The following KIF21A variants were observed in gnomAD, a reference collection of about 807,000 sequenced individuals.
KIF21A encodes kinesin-like protein KIF21A.
In KIF21A, 114 loss-of-function variants were observed where a neutral mutation model predicts 202.9. The observed-to-expected ratio is 0.56, with a 90% CI of 0.48 to 0.66. KIF21A has a LOEUF of 0.66. Ranked by LOEUF, KIF21A falls within the 30% of genes least tolerant of loss-of-function variation. The pLI is 0.00. For missense variants in KIF21A, 1,677 were observed against 1,994.9 expected (o/e 0.84, Z 3.04); for synonymous variants, 667 against 670.8 (o/e 0.99, Z 0.09).
chr12:39,316,009 A>T (rs371587886), intron 29 of KIF21A, 39 bp from the exon 30 acceptor site: 234 of 1,375,086 alleles, frequency 1.7e-4, no homozygotes, highest in Non-Finnish European at 2.4e-4. Flanking sequence ...GAAAGAATAC[A>T]GATGTCAACA....
chr12:39,402,912 G>A (rs1468070076), intron 1 of KIF21A, among the ~76,000 whole-genome samples: 1 of 152,114 alleles, frequency 6.6e-6, no homozygotes, highest in African/African-American at 2.4e-5. Flanking sequence ...ACTAAAAACT[G>A]TAAAATATGT....
At chr12:39,315,147 C>A in intron 31 of KIF21A, 82 bp downstream of exon 31, 1 of 1,294,734 alleles carries the variant, frequency 7.7e-7, no homozygotes, top group Non-Finnish European at 1.1e-6. Flanking sequence ...AAAAAATAAA[C>A]ACTTATTTTT....
intron 1 of KIF21A, among the ~76,000 whole-genome samples, chr12:39,404,987 A>T (rs565347793): frequency 6.6e-5 from 10 of 151,494 alleles, no homozygotes; most frequent in Admixed American, 3.9e-4. Flanking sequence ...TTTTTTTTTC[A>T]AACTAAAAAA....
At chr12:39,359,216 G>T (rs968867710) in intron 7 of KIF21A, among the ~76,000 whole-genome samples, 5 of 151,992 alleles carry the variant, frequency 3.3e-5, no homozygotes, top group African/African-American at 1.2e-4. Flanking sequence ...GGTACCCCTT[G>T]TCCCATTCCA....
chr12:39,335,410 C>CAAAAAA (rs1033088626), intron 17 of KIF21A, among the ~76,000 whole-genome samples: 2 of 61,964 alleles, frequency 3.2e-5, no homozygotes, highest in African/African-American at 1.1e-4. Flanking sequence ...GACTCTGTCT[C>CAAAAAA]AAAAAAAAAA....
At chr12:39,338,790 A>G (rs1253205559) in intron 16 of KIF21A, among the ~76,000 whole-genome samples, 1 of 152,240 alleles carries the variant, frequency 6.6e-6, no homozygotes, top group Non-Finnish European at 1.5e-5. Flanking sequence ...AATAATGTGC[A>G]TGCCTTAATC....
chr12:39,441,060 A>AGAAG (rs1265899461), intron 1 of KIF21A, among the ~76,000 whole-genome samples: 2 of 152,028 alleles, frequency 1.3e-5, no homozygotes, highest in Admixed American at 6.6e-5. Context: ...GAGAAAGGAA[A>AGAAG]GAAGGAAGGA....
chr12:39,313,803 C>T (rs952329896), intron 31 of KIF21A, among the ~76,000 whole-genome samples: 1 of 151,820 alleles, frequency 6.6e-6, no homozygotes, highest in African/African-American at 2.4e-5. Flanking sequence ...TTACTGCATT[C>T]TATGTAGGCC....
chr12:39,332,575 T>C lies in KIF21A; in HGVS notation c.2856+16A>G. 6.2e-7 allele frequency: 1 copy of C among 1,600,380 alleles called. No homozygotes were observed. Among genetic ancestry groups the C allele is most frequent in the East Asian group, 2.3e-5 (1 of 44,086 alleles). ...GTTAGCTAAGGGGGAGCGTATCTAC[T>C]CTCTATTTTCCACACCTTGAGGAGT... is the stretch of plus-strand genomic sequence containing the variant. On this transcript the variant is annotated intron_variant, in intron 20 of 37. Transcript: ENST00000361418.
intron 1 of KIF21A, among the ~76,000 whole-genome samples, chr12:39,390,995 C>A (rs929395044): frequency 6.6e-6 from 1 of 152,104 alleles, no homozygotes; most frequent in Non-Finnish European, 1.5e-5. Context: ...ACAGCCCTCA[C>A]AATAGTGGTA....
intron 1 of KIF21A, among the ~76,000 whole-genome samples, chr12:39,382,528 G>A (rs893290442): frequency 5.3e-5 from 8 of 152,022 alleles, no homozygotes; most frequent in Admixed American, 5.2e-4. Context: ...CGGTCAACAT[G>A]AATTTAATTT....
chr12:39,433,374 C>T (rs1300960192), intron 1 of KIF21A, among the ~76,000 whole-genome samples: 1 of 151,922 alleles, frequency 6.6e-6, no homozygotes, highest in Non-Finnish European at 1.5e-5. Flanking sequence ...AAAAATTTAT[C>T]AAAAAAGTTA....
Position 39,340,295 on chromosome 12 carries a change from G to A in KIF21A, c.2180C>T (p.Ala727Val), listed in dbSNP as rs1281244118. Reference protein sequence around the residue: ...VRSEYEKKLQAMNKELQRLQA... With the variant: ...VRSEYEKKLQVMNKELQRLQA... ...AAGTCTCTGCAGTTCTTTGTTCATG[G>A]CTTGGAGTTTCTTTTCATATTCAGA... The change falls in exon 16 of 38, where the codon GCC becomes GTC. Residue 727 changes from alanine to valine, a missense_variant. Physicochemically the swap from Ala to Val is moderately conservative, Grantham distance 64 (BLOSUM62 0). Transcript: ENST00000361418. The A allele has an allele frequency of 1.2e-6, 2 of 1,612,612 alleles. No individual in the cohort carries two copies. The highest frequency in any genetic ancestry group is 1.7e-5 in the Admixed American group (1 of 59,834).
At position 39,332,901 on chromosome 12, in the gene KIF21A, A is replaced by G. The variant is rs1256914731; in HGVS notation, c.2694T>C (p.Asn898=). The G allele has an allele frequency of 8.1e-6, 13 of 1,613,702 alleles. No individual in the cohort carries two copies. Among genetic ancestry groups the G allele is most frequent in the Non-Finnish European group, 1.0e-5 (12 of 1,179,968 alleles). ...AACAGAATTATGTAGACCTGTTTCC[A>G]TTTGTTGCCGGCGTTGGTAAGGCCT... is the stretch of plus-strand genomic sequence containing the variant. ...RVQALPTPAT[N]GNRKKYQRKG... The change falls in exon 19 of 38, where the codon AAT becomes AAC. Residue 898 remains asparagine, a synonymous_variant. Transcript: ENST00000361418.
At chr12:39,394,808 T>C (rs893566297) in intron 1 of KIF21A, among the ~76,000 whole-genome samples, 2 of 152,036 alleles carry the variant, frequency 1.3e-5, no homozygotes, top group Admixed American at 6.6e-5. Flanking sequence ...TCCATCCCAA[T>C]CTCTTTTCTA....
intron 1 of KIF21A, among the ~76,000 whole-genome samples, chr12:39,382,712 A>AT (rs1450490907): frequency 6.6e-6 from 1 of 152,198 alleles, no homozygotes; most frequent in East Asian, 1.9e-4. Flanking sequence ...ATACAAATAG[A>AT]TTTTTTGTAT....
chr12:39,440,687 T>C (rs938121797), intron 1 of KIF21A, among the ~76,000 whole-genome samples: 5 of 152,172 alleles, frequency 3.3e-5, no homozygotes, highest in Admixed American at 2.6e-4. Flanking sequence ...ATAAAGTAAG[T>C]TTACAAGGTA....
chr12:39,424,514 C>G (rs905717130), intron 1 of KIF21A, among the ~76,000 whole-genome samples: 2 of 152,192 alleles, frequency 1.3e-5, no homozygotes, highest in East Asian at 3.8e-4. Flanking sequence ...GATTAAATAA[C>G]TGACTTGACA....
At chr12:39,368,327 C>T (rs12424130) in intron 3 of KIF21A, among the ~76,000 whole-genome samples, 3,145 of 152,234 alleles carry the variant, frequency 0.021, 50 homozygotes, top group South Asian at 0.043. Context: ...TTTACAAATA[C>T]AAGCAAACCC....
Sources: allele counts gnomAD v4.1 joint callset (sites outside exome capture counted in the v4.1 genomes callset), GRCh38; gene constraint gnomAD v4.1.1; transcripts MANE v1.5; gene names NCBI Gene and HGNC (gene_info 2026-07-23, HGNC 2026-07-21).